REDIC1: variants seen among roughly 807,000 people sequenced by gnomAD.
REDIC1 encodes HEI10 Interacting Protein 1.
the REDIC1 span, among the ~76,000 whole-genome samples, chr12:39,688,966 C>T: frequency 2.0e-5 from 3 of 152,138 alleles, no homozygotes; most frequent in South Asian, 2.1e-4. Context: ...ATCCATGTAC[C>T]GTTTTTTTTG....
At chr12:39,799,655 C>T in the REDIC1 span, among the ~76,000 whole-genome samples, 16 of 152,150 alleles carry the variant, frequency 1.1e-4, no homozygotes, top group Non-Finnish European at 2.4e-4. Flanking sequence ...GACCACAAAA[C>T]AGTATGTACA....
chr12:39,736,859 T>C, the REDIC1 span: 1 of 152,128 alleles, frequency 6.6e-6, no homozygotes, highest in Admixed American at 6.5e-5. Flanking sequence ...GCGTTTTGGG[T>C]CTTCTCAGCC....
the REDIC1 span, among the ~76,000 whole-genome samples, chr12:39,840,029 T>TTTTG: frequency 6.6e-6 from 1 of 151,986 alleles, no homozygotes; most frequent in Non-Finnish European, 1.5e-5. Context: ...CCATTCTTTT[T>TTTTG]TTTTGTTTTG....
At chr12:39,669,858 G>A in the REDIC1 span, among the ~76,000 whole-genome samples, 3 of 152,186 alleles carry the variant, frequency 2.0e-5, no homozygotes, top group Admixed American at 6.5e-5. Flanking sequence ...GCCAGGTGTG[G>A]GGTATAATTT....
At chr12:39,627,167 G>A in the REDIC1 span, among the ~76,000 whole-genome samples, 1 of 152,166 alleles carries the variant, frequency 6.6e-6, no homozygotes, top group African/African-American at 2.4e-5. Context: ...ATTTATCGGA[G>A]GAAAGACAGC....
chr12:39,672,124 C>G, the REDIC1 span, among the ~76,000 whole-genome samples: 4 of 152,042 alleles, frequency 2.6e-5, no homozygotes, highest in South Asian at 4.2e-4. Flanking sequence ...ATTAAGCCAC[C>G]TGGTGGTGTA....
the REDIC1 span, chr12:39,683,543 A>T: frequency 7.5e-7 from 1 of 1,326,218 alleles, no homozygotes. Flanking sequence ...TGCATGATGA[A>T]TGTTGAATTG....
chr12:39,649,382 T>C, the REDIC1 span, among the ~76,000 whole-genome samples: 1 of 151,860 alleles, frequency 6.6e-6, no homozygotes, highest in Non-Finnish European at 1.5e-5. Context: ...TCCTGATCCT[T>C]AGTTAAGTAG....
At chr12:39,795,243 G>A in the REDIC1 span, among the ~76,000 whole-genome samples, 3 of 150,698 alleles carry the variant, frequency 2.0e-5, no homozygotes, top group Non-Finnish European at 4.4e-5. Flanking sequence ...GTTTCTTTGA[G>A]TTTCATTCAG....
At chr12:39,785,099 C>G in the REDIC1 span, among the ~76,000 whole-genome samples, 3 of 152,176 alleles carry the variant, frequency 2.0e-5, no homozygotes, top group Non-Finnish European at 2.9e-5. Context: ...GCATAAGTAG[C>G]AAGGGGCCTA....
At chr12:39,682,667 G>A in the REDIC1 span, 1 of 1,611,062 alleles carries the variant, frequency 6.2e-7, no homozygotes. Flanking sequence ...GATGAAGATT[G>A]TAGAAGCACG....
At chr12:39,880,458 A>C in the REDIC1 span, among the ~76,000 whole-genome samples, 19 of 152,344 alleles carry the variant, frequency 1.2e-4, no homozygotes, top group African/African-American at 4.1e-4. Context: ...AAAAGTTAGA[A>C]AAGTAGAAAT....
At chr12:39,782,160 A>C in the REDIC1 span, among the ~76,000 whole-genome samples, 2 of 152,312 alleles carry the variant, frequency 1.3e-5, no homozygotes, top group East Asian at 3.9e-4. Context: ...AAGTCTTGCT[A>C]TGCTTTTATT....
At chr12:39,763,925 A>G in the REDIC1 span, among the ~76,000 whole-genome samples, 1 of 152,096 alleles carries the variant, frequency 6.6e-6, no homozygotes, top group African/African-American at 2.4e-5. Flanking sequence ...CTGGTCTCAG[A>G]GGACACTGAA....
chr12:39,653,542 C>CTTCTTCTTCTTCTTCTTT, the REDIC1 span, among the ~76,000 whole-genome samples: 5 of 37,230 alleles, frequency 1.3e-4, no homozygotes, highest in Non-Finnish European at 2.2e-4. Flanking sequence ...TCTTCTTTTT[C>CTTCTTCTTCTTCTTCTTT]TTCTTCTTCT....
the REDIC1 span, among the ~76,000 whole-genome samples, chr12:39,850,902 A>AT: frequency 4.8e-3 from 690 of 144,756 alleles, 2 homozygotes; most frequent in South Asian, 8.5e-3. Context: ...CACAAAGTTA[A>AT]TTTTTTTTTT....
the REDIC1 span, among the ~76,000 whole-genome samples, chr12:39,796,068 A>G: frequency 6.6e-6 from 1 of 152,052 alleles, no homozygotes. Flanking sequence ...TCTGGCAACT[A>G]CTAATCTACT....
the REDIC1 span, among the ~76,000 whole-genome samples, chr12:39,631,472 TAGA>T: frequency 2.6e-5 from 4 of 152,128 alleles, no homozygotes; most frequent in African/African-American, 9.7e-5. Context: ...TTTTTTTTTG[TAGA>T]AGAACAGAAT....
chr12:39,871,382 G>A, the REDIC1 span, among the ~76,000 whole-genome samples: 2 of 151,722 alleles, frequency 1.3e-5, no homozygotes, highest in Admixed American at 1.3e-4. Context: ...AAAGAGCTTT[G>A]AAAAAATGCT....
Sources: allele counts gnomAD v4.1 joint callset (sites outside exome capture counted in the v4.1 genomes callset), GRCh38; gene constraint gnomAD v4.1.1; transcripts MANE v1.5; gene names NCBI Gene and HGNC (gene_info 2026-07-23, HGNC 2026-07-21).